The following ASTN1 variants were observed in gnomAD, a reference collection of about 807,000 sequenced individuals.
The protein encoded by ASTN1 is astrotactin 1.
In ASTN1, 41 loss-of-function variants were observed where a neutral mutation model predicts 140.7. The ratio of observed to expected loss-of-function variants is 0.29; its 90% CI spans 0.23 to 0.38. The LOEUF (loss-of-function observed/expected upper bound fraction) is 0.38. ASTN1 is among the 10% of genes least tolerant of loss of function. ASTN1 has a pLI of 1.00. For missense variants in ASTN1, 1,479 were observed against 1,678.8 expected, an observed-to-expected ratio of 0.88 and a Z score of 2.08; for synonymous variants, 640 against 652.2, an observed-to-expected ratio of 0.98 and a Z score of 0.29.
chr1:177,122,485 G>A (rs538746113), intron 1 of ASTN1, among the ~76,000 whole-genome samples: 7 of 152,274 alleles, frequency 4.6e-5, no homozygotes, highest in African/African-American at 1.4e-4. Flanking sequence ...GGTCAAGGAT[G>A]CTAGAGGGAA....
intron 16 of ASTN1, among the ~76,000 whole-genome samples, chr1:176,909,042 G>A (rs981158474): frequency 6.6e-6 from 1 of 152,176 alleles, no homozygotes; most frequent in Non-Finnish European, 1.5e-5. Flanking sequence ...CCCAGAGGGT[G>A]AAAGTAGGAT....
At chr1:176,993,231 G>A (rs896901504) in intron 8 of ASTN1, among the ~76,000 whole-genome samples, 2 of 152,236 alleles carry the variant, frequency 1.3e-5, no homozygotes, top group African/African-American at 4.8e-5. Flanking sequence ...GTATGACTTA[G>A]AGAGTAAGGT....
chr1:177,164,565 T>C lies in ASTN1; in HGVS notation c.112A>G (p.Lys38Glu), dbSNP rs778336426. The C allele has an allele frequency of 1.4e-5, 22 of 1,613,804 alleles. No individual in the cohort carries two copies. The highest frequency in any genetic ancestry group is 1.8e-5 in the Non-Finnish European group (21 of 1,179,918). Reference protein sequence around the residue: ...DPSKELECKLKSITVSALPFL... With the variant: ...DPSKELECKLESITVSALPFL... ...GGCAGTGCCGACACCGTGATGCTTTTGAGCTTGCACTCCAGCTCCTTGGAT... is the reference window on the plus strand; with the variant it reads ...GGCAGTGCCGACACCGTGATGCTTTCGAGCTTGCACTCCAGCTCCTTGGAT... The change falls in exon 1 of 23, where the codon AAA (lysine) becomes GAA (glutamate). Residue 38 changes from lysine to glutamate, a missense_variant. Physicochemically the swap from Lys to Glu is moderately conservative, Grantham distance 56. Around this residue, in one of 3 missense-constraint regions of ASTN1, gnomAD observed 729 missense variants for 860.4 expected, o/e 0.85. Coordinates refer to ENST00000361833, the MANE Select transcript of ASTN1 (RefSeq NM_004319.3).
At chr1:176,994,137 C>T (rs1306227106) in intron 8 of ASTN1, among the ~76,000 whole-genome samples, 1 of 140,822 alleles carries the variant, frequency 7.1e-6, no homozygotes, top group African/African-American at 2.7e-5. Context: ...AACTAAGAGA[C>T]TGGAAAGAAA....
chr1:176,937,509 T>C (rs1256963366), intron 14 of ASTN1, among the ~76,000 whole-genome samples: 1 of 152,166 alleles, frequency 6.6e-6, no homozygotes, highest in Non-Finnish European at 1.5e-5. Flanking sequence ...CTTGAGTACC[T>C]TGAAGAAAGA....
At chr1:176,871,783 G>T (rs760214993) in intron 21 of ASTN1, among the ~76,000 whole-genome samples, 1 of 152,198 alleles carries the variant, frequency 6.6e-6, no homozygotes, top group Admixed American at 6.5e-5. Flanking sequence ...TTAAACAATG[G>T]AAAATAGTAT....
chr1:176,858,593 G>T (rs1454276628), downstream of ASTN1, among the ~76,000 whole-genome samples: 1 of 152,086 alleles, frequency 6.6e-6, no homozygotes, highest in Non-Finnish European at 1.5e-5. Flanking sequence ...CAATTTCTTG[G>T]CTCTGAATCA....
chr1:177,095,576 C>A (rs1429991662), intron 1 of ASTN1, among the ~76,000 whole-genome samples: 1 of 152,126 alleles, frequency 6.6e-6, no homozygotes, highest in South Asian at 2.1e-4. Context: ...CAGTGGTAAA[C>A]CTTGGCAAAA....
intron 3 of ASTN1, among the ~76,000 whole-genome samples, chr1:177,031,944 TGAA>T (rs1253074349): frequency 1.6e-4 from 25 of 152,260 alleles, no homozygotes; most frequent in African/African-American, 5.5e-4. Context: ...TCATTTTCTT[TGAA>T]GAAGTGCATC....
intron 17 of ASTN1, among the ~76,000 whole-genome samples, chr1:176,892,208 G>A (rs1669297632): frequency 1.3e-5 from 2 of 152,138 alleles, no homozygotes; most frequent in Admixed American, 1.3e-4. Flanking sequence ...GTATTCAATA[G>A]ATTCTGTGGA....
intron 16 of ASTN1, among the ~76,000 whole-genome samples, chr1:176,929,696 T>A (rs1671120751): frequency 6.6e-6 from 1 of 152,146 alleles, no homozygotes; most frequent in Non-Finnish European, 1.5e-5. Context: ...TGAGGAGTGA[T>A]GTCATTAGAT....
chr1:177,036,211 C>T (rs1165316982), intron 2 of ASTN1, among the ~76,000 whole-genome samples: 2 of 151,556 alleles, frequency 1.3e-5, no homozygotes, highest in Non-Finnish European at 2.9e-5. Context: ...CCACCACGCC[C>T]GGCTAATTTT....
rs186986103 is a variant in ASTN1 at position 177,060,965 on chromosome 1, T to A, written c.471+113A>T. On this transcript the variant is annotated intron_variant, in intron 2 of 22. Transcript: ENST00000361833. ...ATGGGAAATTTACTTATTAACATGA[T>A]CAATGATCATTACAGAGTTAGGTCT... 319 of 1,100,102 alleles carry A rather than the reference T, an allele frequency of 2.9e-4. 5 individuals are homozygous for A. In the East Asian group the frequency reaches 8.4e-3, roughly 29 times the overall value. The allele number at this position is 1,100,102 out of a possible 1,614,324, so 68.1% of individuals were successfully genotyped here.
At chr1:177,032,313 G>T in intron 3 of ASTN1, 143 bp downstream of exon 3, 1 of 1,138,620 alleles carries the variant, frequency 8.8e-7, no homozygotes, top group South Asian at 1.6e-5. Flanking sequence ...CAGGAAACAG[G>T]TTATTCTTGC....
At chr1:176,953,160 C>A (rs1043020195) in intron 11 of ASTN1, among the ~76,000 whole-genome samples, 2 of 152,188 alleles carry the variant, frequency 1.3e-5, no homozygotes, top group Admixed American at 6.5e-5. Context: ...TCTTTTCCTA[C>A]CAGTGATTTT....
chr1:177,011,388 C>T (rs1675281897), intron 8 of ASTN1, among the ~76,000 whole-genome samples: 1 of 152,178 alleles, frequency 6.6e-6, no homozygotes. Context: ...TCTACGTAGA[C>T]TGTTAGTTCT....
intron 4 of ASTN1, among the ~76,000 whole-genome samples, chr1:177,030,384 G>T (rs1676365971): frequency 6.6e-6 from 1 of 152,042 alleles, no homozygotes; most frequent in African/African-American, 2.4e-5. Flanking sequence ...TTAATAGATG[G>T]GTGGGCAACT....
chr1:177,027,069 C>G (rs987701394), intron 5 of ASTN1, among the ~76,000 whole-genome samples: 2 of 152,184 alleles, frequency 1.3e-5, no homozygotes, highest in African/African-American at 4.8e-5. Flanking sequence ...TTTTACTGCT[C>G]CCTGACAAGA....
rs908833833 is a variant in ASTN1, at chr1:176,887,721, A to C, written c.3074+350T>G. On this transcript the variant is annotated intron_variant, in intron 18 of 22. Transcript: ENST00000361833. ...GTGTAGATCTCTAACTTCTTCCATT[A>C]CAATGGCACTTTTCTCCCCATTGTC... Among the ~76,000 whole-genome samples, 5 of 81,684 alleles carry C rather than the reference A, an allele frequency of 6.1e-5. No individual in the cohort carries two copies. In the Admixed American group the frequency reaches 6.8e-4, roughly 11 times the overall value. The allele number at this position is 81,684 out of a possible 152,430, so 53.6% of individuals were successfully genotyped here. A position where few individuals can be genotyped will look rare whatever the true frequency, so the allele number is the denominator to read the frequency against.
Sources: allele counts gnomAD v4.1 joint callset (sites outside exome capture counted in the v4.1 genomes callset), GRCh38; gene constraint gnomAD v4.1.1; regional missense constraint gnomAD v4.1.1; transcripts MANE v1.5; gene names NCBI Gene and HGNC (gene_info 2026-07-23, HGNC 2026-07-21).